Variants in EPG5 observed in about 807,000 individuals in gnomAD.
EPG5 encodes ectopic P granules protein 5 homolog.
A neutral mutation model predicts 302.7 loss-of-function variants in EPG5; 159 were observed. The ratio of observed to expected loss-of-function variants is 0.53; its 90% CI spans 0.46 to 0.60. The LOEUF (loss-of-function observed/expected upper bound fraction) is 0.60. Among genes scored for constraint, EPG5 ranks in the 20% least tolerant of loss-of-function variants. EPG5 has a pLI of 0.00. For synonymous variants in EPG5, 1,158 were observed against 1,136.8 expected, an observed-to-expected ratio of 1.02 and a Z score of -0.37; for missense variants, 2,896 against 3,092.4, an observed-to-expected ratio of 0.94 and a Z score of 1.51.
At chr18:45,899,291 T>C in intron 27 of EPG5, 113 bp downstream of exon 27, 1 of 1,254,776 alleles carries the variant, frequency 8.0e-7, no homozygotes, top group Non-Finnish European at 1.1e-6. Flanking sequence ...AACTAGTAAA[T>C]GTTTGGGACA....
chr18:45,926,047 G>A, intron 13 of EPG5, 145 bp from the exon 14 acceptor site: 1 of 458,144 alleles, frequency 2.2e-6, no homozygotes. Flanking sequence ...AAGTGAAATG[G>A]AAATCACGGA....
At chr18:45,938,843 G>A (rs368702030) in intron 10 of EPG5, among the ~76,000 whole-genome samples, 2 of 152,168 alleles carry the variant, frequency 1.3e-5, no homozygotes, top group African/African-American at 4.8e-5. Flanking sequence ...ATACAACACA[G>A]AATAAATCAG....
intron 1 of EPG5, among the ~76,000 whole-genome samples, chr18:45,957,419 A>G (rs11082502): frequency 0.061 from 9,259 of 152,292 alleles, 411 homozygotes; most frequent in South Asian, 0.083. Context: ...ATAGAAAAAC[A>G]TTATATGAGT....
chr18:45,943,268 T>G lies in EPG5; in HGVS notation c.1836A>C (p.Lys612Asn). The G allele has an allele frequency of 1.9e-6, 3 of 1,613,988 alleles. No individual in the cohort carries two copies. The highest frequency in any genetic ancestry group is 2.5e-6 in the Non-Finnish European group (3 of 1,179,990). ...PETTRPQEMM[K>N]IFAFANSLVE... The stretch of plus-strand genomic sequence containing the variant: ...CTAGTGAGTTGGCAAAGGCAAAAAT[T>G]TTCATCATCTCTTGAGGTCTTGTTG... The change falls in exon 9 of 44, where the codon AAA (lysine) becomes AAC (asparagine). Residue 612 changes from lysine to asparagine, a missense_variant. Physicochemically the swap from Lys to Asn is moderately conservative, Grantham distance 94 (BLOSUM62 0). Around this residue, in one of 5 missense-constraint regions of EPG5, gnomAD observed 1,390 missense variants for 1,430.0 expected, o/e 0.97. Coordinates refer to ENST00000282041, the MANE Select transcript of EPG5 (RefSeq NM_020964.3).
At chr18:45,881,194 AG>A (rs1432202795) in intron 31 of EPG5, among the ~76,000 whole-genome samples, 2 of 152,244 alleles carry the variant, frequency 1.3e-5, no homozygotes, top group African/African-American at 4.8e-5. Context: ...TTTCTTGGTA[AG>A]AACAAATTTC....
In EPG5 at chr18:45,884,706, C is replaced by T. The variant is rs780361493; in HGVS notation, c.5215G>A (p.Ala1739Thr). 1.9e-6 allele frequency: 3 copies of T among 1,611,672 alleles called. No homozygotes were observed. The highest frequency in any genetic ancestry group is 2.7e-5 in the African/African-American group (2 of 74,656). Residue 1739 changes from alanine (A) to threonine (T), a missense_variant, in exon 30 of 44, where the codon GCA (alanine) becomes ACA (threonine). Ala to Thr is a moderately conservative substitution (Grantham distance 58). Coordinates refer to ENST00000282041, the MANE Select transcript of EPG5 (RefSeq NM_020964.3). ...LLSPFFTPNA[A>T]PAEFIQLYEQ... Reference sequence around the variant, plus strand: ...TACAGCTGTATGAACTCTGCAGGTGCAGCATTGGGAGTGAAGAAAGGAGAC... The same window carrying T: ...TACAGCTGTATGAACTCTGCAGGTGTAGCATTGGGAGTGAAGAAAGGAGAC...
At chr18:45,966,006 T>C (rs968943107) in intron 1 of EPG5, among the ~76,000 whole-genome samples, 3 of 151,030 alleles carry the variant, frequency 2.0e-5, no homozygotes, top group Admixed American at 2.0e-4. Context: ...TGAGCCGAGA[T>C]TGCACTCCGC....
chr18:45,932,260 G>A (rs918893084), intron 11 of EPG5, among the ~76,000 whole-genome samples: 40 of 152,086 alleles, frequency 2.6e-4, no homozygotes, highest in Non-Finnish European at 4.4e-5. Context: ...TTTCTAATTA[G>A]CTTTTAAAAT....
At chr18:45,826,048 T>C in the EPG5 span, among the ~76,000 whole-genome samples, 1 of 152,186 alleles carries the variant, frequency 6.6e-6, no homozygotes, top group African/African-American at 2.4e-5. Context: ...GCCCCACCCA[T>C]TGCTGCGAGC....
In EPG5 at chr18:45,866,887, G is replaced by A; in HGVS notation, c.6532C>T (p.Leu2178=). Residue 2178 remains leucine, a synonymous_variant, in exon 38 of 44, where the codon CTG becomes TTG. Transcript: ENST00000282041. ...AATTCAGCATAAGATTCTTTTGCCA[G>A]GATGATGGACGGCGGGTAATGGCTG... is the stretch of plus-strand genomic sequence containing the variant. ...FSSHYPPSII[L]AKESYAELIM... is the part of the protein sequence containing the mutation. 1.2e-6 allele frequency: 2 copies of A among 1,614,172 alleles called. No homozygotes were observed. The highest frequency in any genetic ancestry group is 1.7e-6 in the Non-Finnish European group (2 of 1,180,006).
chr18:45,953,649 C>T, intron 2 of EPG5: 3 of 985,330 alleles, frequency 3.0e-6, no homozygotes, highest in Non-Finnish European at 3.6e-6. Context: ...TTCTCCATCC[C>T]CTCTCAAACT....
Position 45,922,432 on chromosome 18 carries a change from ACT to A in EPG5, c.3005_3006del (p.Glu1002ValfsTer33), listed in dbSNP as rs1373236419. ...PFSVTVPDMT[E>X]SPTFHPLLKA... ...TTCAAGAGAGGATGAAACGTGGGTG[ACT>A]CTGTCATGTCAGGCACAGTGACGGA... On this transcript the variant is annotated frameshift_variant, in exon 16 of 44. Coordinates refer to ENST00000282041, the MANE Select transcript of EPG5 (RefSeq NM_020964.3). LOFTEE classifies it high-confidence loss of function. 6.2e-7 allele frequency: 1 copy of A among 1,614,126 alleles called. No individual in the cohort carries two copies. Among genetic ancestry groups the A allele is most frequent in the African/African-American group, 1.3e-5 (1 of 75,014 alleles).
chr18:45,908,124 G>C (rs1470907211), intron 23 of EPG5, 43 bp from the exon 24 acceptor site: 2 of 1,433,496 alleles, frequency 1.4e-6, no homozygotes, highest in Admixed American at 2.4e-5. Flanking sequence ...AAAAAGATGA[G>C]CATACAAACA....
chr18:45,909,824 T>C (rs2049849070), intron 23 of EPG5, among the ~76,000 whole-genome samples: 1 of 152,192 alleles, frequency 6.6e-6, no homozygotes, highest in African/African-American at 2.4e-5. Flanking sequence ...CTACGTGTGG[T>C]GGCACACACC....
At chr18:45,892,284 T>C (rs2049369075) in intron 27 of EPG5, among the ~76,000 whole-genome samples, 1 of 152,226 alleles carries the variant, frequency 6.6e-6, no homozygotes, top group Non-Finnish European at 1.5e-5. Flanking sequence ...TGTTGAAAGT[T>C]TTCTTTTTTT....
downstream of EPG5, among the ~76,000 whole-genome samples, chr18:45,846,040 G>C (rs1005808507): frequency 6.6e-6 from 1 of 152,194 alleles, no homozygotes; most frequent in Non-Finnish European, 1.5e-5. Flanking sequence ...CAGGACAAGA[G>C]AGCCAGGGTC....
rs915492904 is a variant in EPG5, at chr18:45,847,885, C to T, written c.*4582G>A. 2 of 152,472 alleles carry T rather than the reference C, an allele frequency of 1.3e-5. No individual in the cohort carries two copies. Among genetic ancestry groups the T allele is most frequent in the African/African-American group, 4.8e-5 (2 of 41,420 alleles). 9.4% of individuals were successfully genotyped at this position (152,472 alleles called of 1,614,324 possible). A position where few individuals can be genotyped will look rare whatever the true frequency, so the allele number is the denominator to read the frequency against. On this transcript the variant is annotated 3_prime_UTR_variant, in exon 44 of 44. Transcript: ENST00000282041. ...CTATTGAAAGAAAAATAAATTCTAT[C>T]AGTGCTCAATGAGAGACAGTACATC...
the EPG5 span, among the ~76,000 whole-genome samples, chr18:45,824,341 A>G: frequency 1.1e-3 from 163 of 152,220 alleles, 1 homozygote; most frequent in African/African-American, 3.7e-3. Context: ...CAAGTAGCTG[A>G]GACTACAGGC....
At chr18:45,933,542 G>A (rs1468938490) in intron 11 of EPG5, among the ~76,000 whole-genome samples, 1 of 152,060 alleles carries the variant, frequency 6.6e-6, no homozygotes, top group Non-Finnish European at 1.5e-5. Context: ...GCTGGGCATG[G>A]TGGTGCACAC....
Sources: gnomAD v4.1 joint callset for allele counts (sites outside exome capture counted in the v4.1 genomes callset) on GRCh38, gnomAD v4.1.1 for gene constraint, gnomAD v4.1.1 regional missense constraint, MANE v1.5 for transcripts, NCBI Gene and HGNC (gene_info 2026-07-23, HGNC 2026-07-21) for gene names.